TANC1: variants seen among roughly 807,000 people sequenced by gnomAD.
TANC1 encodes protein TANC1.
In TANC1, 77 loss-of-function variants were observed where a neutral mutation model predicts 149.7. That is an observed-to-expected ratio of 0.51 (90% CI 0.43 to 0.62). The LOEUF (loss-of-function observed/expected upper bound fraction) is 0.62, where lower values mean the gene tolerates loss of function less well. Ranked by LOEUF, TANC1 falls within the 20% of genes least tolerant of loss-of-function variation. TANC1 has a pLI of 0.00. For missense variants in TANC1, 1,985 were observed against 2,321.8 expected (o/e 0.85, Z 2.98); for synonymous variants, 854 against 925.0 (o/e 0.92, Z 1.39).
Position 158,976,096 on chromosome 2 carries a change from A to G in TANC1, c.-126+7314A>G, listed in dbSNP as rs1364199205. ...GGATCCTCCCACCTTGGCCTCCCAA[A>G]GTGCTGGGATTACAGGTGTGAGCCA... is the stretch of plus-strand genomic sequence containing the variant. On this transcript the variant is annotated intron_variant, in intron 1 of 26. Coordinates refer to ENST00000263635, the MANE Select transcript of TANC1 (RefSeq NM_033394.3). Among the ~76,000 whole-genome samples, 10 of 152,334 alleles carry G rather than the reference A, an allele frequency of 6.6e-5. No individual in the cohort carries two copies. The East Asian group carries it at 1.3e-3, about 21-fold the overall frequency.
intron 2 of TANC1, among the ~76,000 whole-genome samples, chr2:159,039,050 G>C (rs1012670239): frequency 1.2e-4 from 18 of 152,144 alleles, no homozygotes; most frequent in African/African-American, 4.3e-4. Flanking sequence ...TCTATTCAGG[G>C]ACTCAACTTC....
At chr2:159,219,498 G>A in intron 21 of TANC1, 137 bp downstream of exon 21, 1 of 1,353,052 alleles carries the variant, frequency 7.4e-7, no homozygotes, top group Non-Finnish European at 1.0e-6. Context: ...GAGAGAATAG[G>A]CAACACAGCC....
chr2:159,022,839 C>T (rs2038936777), intron 2 of TANC1, among the ~76,000 whole-genome samples: 1 of 152,074 alleles, frequency 6.6e-6, no homozygotes, highest in African/African-American at 2.4e-5. Flanking sequence ...CTTTGTAGCT[C>T]GACAGACCTT....
intron 2 of TANC1, among the ~76,000 whole-genome samples, chr2:159,033,018 C>G (rs1423012879): frequency 6.6e-6 from 1 of 152,106 alleles, no homozygotes; most frequent in Non-Finnish European, 1.5e-5. Context: ...CGGAGGAAGA[C>G]CCAGGGCTGA....
chr2:159,228,082 C>G, intron 25 of TANC1, 117 bp downstream of exon 25: 1 of 1,129,778 alleles, frequency 8.9e-7, no homozygotes, highest in Non-Finnish European at 1.3e-6. Context: ...TTTGCTTGCA[C>G]ATTTACATGA....
At chr2:159,047,303 A>G (rs190235205) in intron 2 of TANC1, among the ~76,000 whole-genome samples, 8 of 151,880 alleles carry the variant, frequency 5.3e-5, no homozygotes, top group Non-Finnish European at 8.8e-5. Flanking sequence ...CACTCAAGCC[A>G]GAAATTTGTG....
chr2:159,216,557 A>T (rs1475360951), intron 19 of TANC1, among the ~76,000 whole-genome samples: 9 of 152,166 alleles, frequency 5.9e-5, no homozygotes, highest in Admixed American at 1.3e-4. Context: ...CAACTCTTCG[A>T]ACTACACCCC....
intron 7 of TANC1, among the ~76,000 whole-genome samples, chr2:159,161,327 C>T (rs1019229302): frequency 4.4e-4 from 67 of 152,208 alleles, no homozygotes; most frequent in Non-Finnish European, 4.4e-5. Context: ...AACAAATCCC[C>T]TATCTCCCTA....
chr2:159,219,150 A>G (rs2059531282), intron 20 of TANC1, 88 bp from the exon 21 acceptor site: 2 of 1,535,628 alleles, frequency 1.3e-6, no homozygotes, highest in Non-Finnish European at 1.8e-6. Context: ...TCATTTGACT[A>G]TTTTTAAAGG....
At chr2:159,206,949 A>G (rs935052100) in intron 19 of TANC1, among the ~76,000 whole-genome samples, 2 of 152,290 alleles carry the variant, frequency 1.3e-5, no homozygotes, top group African/African-American at 4.8e-5. Flanking sequence ...CAGCTGTCCA[A>G]AGGTCCGGTC....
chr2:159,097,723 G>A lies in TANC1; in HGVS notation c.148G>A (p.Asp50Asn). ...TGTGAGCAGTCTTCCCACAGCAGAG[G>A]ACACCTATAGGGTGAGCTTGGCCAA... ...SPVSSLPTAE[D>N]TYRVSLAKGV... Residue 50 changes from aspartate to asparagine, a missense_variant, in exon 4 of 27, where the codon GAC becomes AAC. Transcript: ENST00000263635. 6.2e-7 allele frequency: 1 copy of A among 1,614,108 alleles called. No homozygotes were observed. Among genetic ancestry groups the A allele is most frequent in the South Asian group, 1.1e-5 (1 of 91,070 alleles).
intron 19 of TANC1, among the ~76,000 whole-genome samples, chr2:159,215,033 A>C (rs2059255916): frequency 2.0e-5 from 3 of 152,164 alleles, no homozygotes; most frequent in African/African-American, 4.8e-5. Flanking sequence ...CCACTGAAGA[A>C]GTTCCCCTCA....
Position 159,228,340 on chromosome 2 carries a change from G to A in TANC1, c.4050+375G>A, listed in dbSNP as rs529790091. ...GCCTTCTGTGTTAGGTTTGCTCAGA[G>A]GGTCTGCCAGTAACTAATTTGTAAC... On this transcript the variant is annotated intron_variant, in intron 25 of 26. Transcript: ENST00000263635. 1.1e-5 allele frequency: 3 copies of A among 268,470 alleles called. No individual in the cohort carries two copies. The East Asian group carries it at 2.7e-4, about 24-fold the overall frequency. 16.6% of individuals were successfully genotyped at this position (268,470 alleles called of 1,614,324 possible).
chr2:159,216,764 CA>C (rs2059377157), intron 19 of TANC1, among the ~76,000 whole-genome samples: 1 of 152,162 alleles, frequency 6.6e-6, no homozygotes, highest in African/African-American at 2.4e-5. Context: ...GGGCCCTCTA[CA>C]GTTGGATCTT....
At chr2:159,089,995 A>G (rs2045356420) in intron 3 of TANC1, among the ~76,000 whole-genome samples, 1 of 152,238 alleles carries the variant, frequency 6.6e-6, no homozygotes, top group Non-Finnish European at 1.5e-5. Flanking sequence ...ACATGGCTCA[A>G]TCCTTGGGAA....
At chr2:159,105,074 A>G (rs2047041427) in intron 4 of TANC1, among the ~76,000 whole-genome samples, 2 of 115,772 alleles carry the variant, frequency 1.7e-5, no homozygotes, top group African/African-American at 6.5e-5. Flanking sequence ...GGCTCACTGC[A>G]AGCTCCGCCT....
chr2:159,064,210 G>T (rs892569352), intron 2 of TANC1, among the ~76,000 whole-genome samples: 1 of 152,124 alleles, frequency 6.6e-6, no homozygotes, highest in African/African-American at 2.4e-5. Flanking sequence ...AGAGAAGTTT[G>T]TGTTTTCCAT....
chr2:158,992,081 G>A (rs910668804), intron 1 of TANC1, among the ~76,000 whole-genome samples: 3 of 152,132 alleles, frequency 2.0e-5, no homozygotes, highest in Non-Finnish European at 2.9e-5. Context: ...TACACGTTTA[G>A]GCTGGGTGTG....
chr2:159,138,854 C>T (rs918503165), intron 5 of TANC1, among the ~76,000 whole-genome samples: 10 of 152,204 alleles, frequency 6.6e-5, no homozygotes. Context: ...GAAATACTTT[C>T]CTGCCTCACT....
Sources: gnomAD v4.1 joint callset for allele counts (sites outside exome capture counted in the v4.1 genomes callset) on GRCh38, gnomAD v4.1.1 for gene constraint, MANE v1.5 for transcripts, NCBI Gene and HGNC (gene_info 2026-07-23, HGNC 2026-07-21) for gene names.